The following RCAN2 variants were observed in gnomAD, a reference collection of about 807,000 sequenced individuals.
The protein encoded by RCAN2 is calcipressin-2.
Under a neutral mutation model 23.6 loss-of-function variants are expected in RCAN2, and 9 were observed. The ratio of observed to expected loss-of-function variants is 0.38; its 90% confidence interval spans 0.23 to 0.67. RCAN2 has a LOEUF of 0.67. Among genes scored for constraint, RCAN2 ranks in the 30% least tolerant of loss-of-function variants. The pLI is 0.51. For missense variants in RCAN2, 273 were observed against 302.3 expected (o/e 0.90, Z 0.72); for synonymous variants, 109 against 115.7 (o/e 0.94, Z 0.37).
intron 2 of RCAN2, among the ~76,000 whole-genome samples, chr6:46,442,473 C>A (rs1303986827): frequency 6.6e-6 from 1 of 152,210 alleles, no homozygotes; most frequent in African/African-American, 2.4e-5. Flanking sequence ...AAGTCACTTC[C>A]TTTCCCCAGG....
chr6:46,301,827 T>C (rs572586918), intron 2 of RCAN2, among the ~76,000 whole-genome samples: 13 of 151,992 alleles, frequency 8.6e-5, no homozygotes, highest in South Asian at 8.3e-4. Context: ...GAATAACGAA[T>C]AAGGGAGTGA....
At chr6:46,460,899 A>C (rs1046209283) in intron 1 of RCAN2, among the ~76,000 whole-genome samples, 1 of 152,224 alleles carries the variant, frequency 6.6e-6, no homozygotes, top group Non-Finnish European at 1.5e-5. Context: ...CAATCCTCTC[A>C]TTTAAATGTA....
intron 2 of RCAN2, among the ~76,000 whole-genome samples, chr6:46,363,788 T>C (rs1156773433): frequency 9.2e-6 from 1 of 108,684 alleles, no homozygotes; most frequent in East Asian, 2.6e-4. Context: ...AAAAGTAAAA[T>C]AATGATTCTC....
At chr6:46,362,749 T>G (rs969109469) in intron 2 of RCAN2, among the ~76,000 whole-genome samples, 1 of 152,174 alleles carries the variant, frequency 6.6e-6, no homozygotes, top group African/African-American at 2.4e-5. Context: ...GACAAGTTAC[T>G]TTGCAGCAAT....
At chr6:46,384,205 C>T (rs1013542931) in intron 2 of RCAN2, among the ~76,000 whole-genome samples, 3 of 152,176 alleles carry the variant, frequency 2.0e-5, no homozygotes, top group Admixed American at 1.3e-4. Context: ...CATTGTTAAT[C>T]CCTCATCTGC....
chr6:46,250,614 T>G (rs977355508), intron 2 of RCAN2, among the ~76,000 whole-genome samples: 3 of 152,196 alleles, frequency 2.0e-5, no homozygotes, highest in African/African-American at 7.2e-5. Flanking sequence ...CATGGGCACA[T>G]GGACAGTCAG....
intron 2 of RCAN2, among the ~76,000 whole-genome samples, chr6:46,394,193 T>C (rs1231906443): frequency 1.3e-5 from 2 of 152,202 alleles, no homozygotes; most frequent in African/African-American, 2.4e-5. Context: ...GTGATGTCAT[T>C]AACAGTGATC....
intron 2 of RCAN2, among the ~76,000 whole-genome samples, chr6:46,333,069 G>T (rs1414358271): frequency 6.6e-6 from 1 of 152,146 alleles, no homozygotes; most frequent in Non-Finnish European, 1.5e-5. Context: ...GTGATGATGA[G>T]CATTTTTTCA....
intron 2 of RCAN2, among the ~76,000 whole-genome samples, chr6:46,268,663 T>C (rs1767422780): frequency 6.6e-6 from 1 of 152,216 alleles, no homozygotes; most frequent in Non-Finnish European, 1.5e-5. Context: ...TAGAACATAA[T>C]CCAGGTTAAG....
At chr6:46,304,598 C>T (rs1310946238) in intron 2 of RCAN2, among the ~76,000 whole-genome samples, 1 of 151,960 alleles carries the variant, frequency 6.6e-6, no homozygotes, top group Non-Finnish European at 1.5e-5. Context: ...AAGCTTTCTT[C>T]AGATATAAGA....
chr6:46,464,264 C>T (rs1768309945), intron 1 of RCAN2, among the ~76,000 whole-genome samples: 10 of 152,094 alleles, frequency 6.6e-5, no homozygotes, highest in Admixed American at 5.9e-4. Flanking sequence ...TAAAGTTTTG[C>T]AGTGTTTAAA....
intron 2 of RCAN2, among the ~76,000 whole-genome samples, chr6:46,431,244 T>C (rs1370256016): frequency 2.0e-5 from 3 of 152,044 alleles, no homozygotes; most frequent in Non-Finnish European, 2.9e-5. Flanking sequence ...TTGGCTCTGC[T>C]GCTGAGGCTG....
At chr6:46,309,135 T>C (rs1033876133) in intron 2 of RCAN2, among the ~76,000 whole-genome samples, 1 of 152,124 alleles carries the variant, frequency 6.6e-6, no homozygotes, top group Non-Finnish European at 1.5e-5. Context: ...AGCCAGGAGG[T>C]AATGATGATA....
At chr6:46,308,918 G>C (rs533369257) in intron 2 of RCAN2, among the ~76,000 whole-genome samples, 2 of 152,232 alleles carry the variant, frequency 1.3e-5, no homozygotes, top group African/African-American at 4.8e-5. Flanking sequence ...CTGGAGAGGA[G>C]ATGGTTACAT....
At chr6:46,290,649 T>A (rs777083330) in intron 2 of RCAN2, among the ~76,000 whole-genome samples, 31 of 152,190 alleles carry the variant, frequency 2.0e-4, no homozygotes, top group Non-Finnish European at 3.7e-4. Context: ...ACAAAGTCTA[T>A]CTTGAAAATT....
intron 2 of RCAN2, among the ~76,000 whole-genome samples, chr6:46,430,652 A>AT (rs1767169904): frequency 6.6e-6 from 1 of 152,154 alleles, no homozygotes; most frequent in Non-Finnish European, 1.5e-5. Context: ...GGGAATGTGG[A>AT]TTTTCCATAG....
intron 4 of RCAN2, among the ~76,000 whole-genome samples, chr6:46,245,435 T>C (rs1227299160): frequency 1.3e-5 from 2 of 152,180 alleles, no homozygotes; most frequent in African/African-American, 4.8e-5. Flanking sequence ...AATTTTCTGA[T>C]TTTAGCAGTG....
intron 2 of RCAN2, among the ~76,000 whole-genome samples, chr6:46,400,930 A>T (rs995446717): frequency 6.6e-6 from 1 of 152,228 alleles, no homozygotes; most frequent in Admixed American, 6.5e-5. Flanking sequence ...GTTGTTAAGC[A>T]TGCATATTTC....
At chr6:46,370,042 TC>T (rs1765285434) in intron 2 of RCAN2, among the ~76,000 whole-genome samples, 1 of 152,110 alleles carries the variant, frequency 6.6e-6, no homozygotes, top group Non-Finnish European at 1.5e-5. Flanking sequence ...AGGGGGCAGG[TC>T]TCAGGTCTGT....
Sources: gnomAD v4.1 joint callset for allele counts (sites outside exome capture counted in the v4.1 genomes callset) on GRCh38, gnomAD v4.1.1 for gene constraint, MANE v1.5 for transcripts, NCBI Gene and HGNC (gene_info 2026-07-23, HGNC 2026-07-21) for gene names.